PPP1R9A: variants seen among roughly 807,000 people sequenced by gnomAD.
The protein encoded by PPP1R9A is protein phosphatase 1 regulatory subunit 9A, also known as neurabin-1.
In PPP1R9A, 59 loss-of-function variants were observed where a neutral mutation model predicts 141.9. The ratio of observed to expected loss-of-function variants is 0.42; its 90% CI spans 0.34 to 0.52. The LOEUF (loss-of-function observed/expected upper bound fraction) is 0.52, where lower values mean the gene tolerates loss of function less well. Ranked by LOEUF, PPP1R9A falls within the 20% of genes least tolerant of loss-of-function variation. The probability of loss-of-function intolerance (pLI) is 0.10; values close to 1 mark genes in which losing one functional copy is unlikely to be tolerated. For synonymous variants in PPP1R9A, 500 were observed against 569.7 expected (o/e 0.88, Z 1.74); for missense variants, 1,444 against 1,611.9 (o/e 0.90, Z 1.78).
chr7:95,266,729 G>A (rs993128383), intron 12 of PPP1R9A, among the ~76,000 whole-genome samples: 8 of 152,248 alleles, frequency 5.3e-5, no homozygotes, highest in African/African-American at 1.9e-4. Context: ...ATATGAGCTA[G>A]ATAAGGCATA....
chr7:95,004,101 T>C (rs1584227686), intron 2 of PPP1R9A, among the ~76,000 whole-genome samples: 1 of 152,152 alleles, frequency 6.6e-6, no homozygotes, highest in Non-Finnish European at 1.5e-5. Flanking sequence ...CTTCTTCTGC[T>C]TGACTTTGAG....
intron 14 of PPP1R9A, among the ~76,000 whole-genome samples, chr7:95,270,632 G>A (rs976613834): frequency 2.0e-5 from 3 of 152,020 alleles, no homozygotes; most frequent in African/African-American, 4.8e-5. Context: ...TATTTTCCTC[G>A]TTCCTGTTAT....
chr7:95,275,595 T>A (rs1803024486), intron 16 of PPP1R9A, among the ~76,000 whole-genome samples: 1 of 152,184 alleles, frequency 6.6e-6, no homozygotes, highest in East Asian at 1.9e-4. Flanking sequence ...TACTTATGCA[T>A]CTAATGATGC....
intron 2 of PPP1R9A, among the ~76,000 whole-genome samples, chr7:95,090,168 T>C (rs1009440616): frequency 5.3e-5 from 8 of 151,932 alleles, no homozygotes; most frequent in Non-Finnish European, 1.0e-4. Flanking sequence ...CTAATCCTTT[T>C]TTTGAGGGGT....
intron 2 of PPP1R9A, among the ~76,000 whole-genome samples, chr7:94,924,395 C>T (rs929400265): frequency 6.6e-6 from 1 of 152,132 alleles, no homozygotes; most frequent in Non-Finnish European, 1.5e-5. Context: ...TGAACTGGAG[C>T]TCCCTCAGGA....
intron 2 of PPP1R9A, among the ~76,000 whole-genome samples, chr7:94,991,703 G>A (rs1801536105): frequency 6.6e-6 from 1 of 152,072 alleles, no homozygotes; most frequent in African/African-American, 2.4e-5. Context: ...CAGGGCTGGA[G>A]TGCAGTGGCG....
At chr7:95,128,278 T>A (rs1823933853) in intron 4 of PPP1R9A, among the ~76,000 whole-genome samples, 1 of 152,244 alleles carries the variant, frequency 6.6e-6, no homozygotes, top group Non-Finnish European at 1.5e-5. Context: ...TATGGAGCAT[T>A]TTTTAATATG....
chr7:95,111,517 T>C, intron 3 of PPP1R9A, 126 bp downstream of exon 3: 1 of 1,014,746 alleles, frequency 9.9e-7, no homozygotes. Context: ...GGATCTTATT[T>C]ATTAAGTTTC....
At chr7:95,283,911 A>C in intron 16 of PPP1R9A, 107 bp from the exon 17 acceptor site, 1 of 972,102 alleles carries the variant, frequency 1.0e-6, no homozygotes, top group East Asian at 2.6e-5. Flanking sequence ...GTTGAATAGA[A>C]CAGTTTCTCA....
intron 2 of PPP1R9A, among the ~76,000 whole-genome samples, chr7:94,992,670 G>A (rs1801664606): frequency 6.6e-6 from 1 of 152,130 alleles, no homozygotes; most frequent in African/African-American, 2.4e-5. Flanking sequence ...CATTGTAATA[G>A]ATATGTAGTA....
At chr7:95,201,409 C>A (rs1205635009) in intron 6 of PPP1R9A, among the ~76,000 whole-genome samples, 1 of 152,020 alleles carries the variant, frequency 6.6e-6, no homozygotes, top group Non-Finnish European at 1.5e-5. Flanking sequence ...ACAAAACATG[C>A]CCAGATAAAA....
chr7:95,121,455 GTCTGTCTATCTATCTATCTATCTATCTA>G (rs1299709244), intron 4 of PPP1R9A, among the ~76,000 whole-genome samples: 15 of 144,962 alleles, frequency 1.0e-4, no homozygotes, highest in African/African-American at 1.5e-4. Flanking sequence ...CTGTCTGTCT[GTCTGTCTATCTATCTATCTATCTATCTA>G]TCTATCTATC....
chr7:95,148,444 C>T (rs1046647868), intron 4 of PPP1R9A, among the ~76,000 whole-genome samples: 4 of 152,034 alleles, frequency 2.6e-5, no homozygotes, highest in African/African-American at 4.8e-5. Flanking sequence ...ACAAGTTTGA[C>T]AACCAAGATG....
intron 4 of PPP1R9A, among the ~76,000 whole-genome samples, chr7:95,140,539 C>A (rs567154588): frequency 6.6e-6 from 1 of 152,132 alleles, no homozygotes; most frequent in Non-Finnish European, 1.5e-5. Flanking sequence ...TACAGGCATG[C>A]CATTGTGCCC....
chr7:94,967,447 G>A (rs189853708), intron 2 of PPP1R9A, among the ~76,000 whole-genome samples: 1 of 152,108 alleles, frequency 6.6e-6, no homozygotes, highest in East Asian at 1.9e-4. Context: ...TCTCTTGTGG[G>A]CATTTAGTGC....
chr7:95,162,058 T>A, intron 5 of PPP1R9A, 87 bp downstream of exon 5: 1 of 775,232 alleles, frequency 1.3e-6, no homozygotes, highest in Non-Finnish European at 2.0e-6. Context: ...TAAATGTAAT[T>A]ACAATGACAA....
intron 4 of PPP1R9A, among the ~76,000 whole-genome samples, chr7:95,134,803 T>C (rs1825343949): frequency 6.6e-6 from 1 of 152,204 alleles, no homozygotes; most frequent in Non-Finnish European, 1.5e-5. Flanking sequence ...AGGAACCAAT[T>C]TTTTTTCTTG....
intron 7 of PPP1R9A, among the ~76,000 whole-genome samples, chr7:95,210,199 A>G (rs1791775344): frequency 6.6e-6 from 1 of 152,138 alleles, no homozygotes; most frequent in Admixed American, 6.5e-5. Flanking sequence ...GAATATTAAG[A>G]CATGGTGAAT....
intron 4 of PPP1R9A, among the ~76,000 whole-genome samples, chr7:95,134,924 T>A (rs576867566): frequency 3.3e-4 from 50 of 152,316 alleles, no homozygotes; most frequent in Non-Finnish European, 5.3e-4. Flanking sequence ...TTACTTTTTT[T>A]AAAAAACAGT....
Sources: allele counts gnomAD v4.1 joint callset (sites outside exome capture counted in the v4.1 genomes callset), GRCh38; gene constraint gnomAD v4.1.1; transcripts MANE v1.5; gene names NCBI Gene and HGNC (gene_info 2026-07-23, HGNC 2026-07-21).